TBL1XR1: variants seen among roughly 807,000 people sequenced by gnomAD.
TBL1XR1 encodes F-box-like/WD repeat-containing protein TBL1XR1.
A neutral mutation model predicts 66.9 loss-of-function variants in TBL1XR1; 5 were observed. The ratio of observed to expected loss-of-function variants is 0.07; its 90% CI spans 0.04 to 0.16. The LOEUF is 0.16. Among genes scored for constraint, TBL1XR1 ranks in the 10% least tolerant of loss-of-function variants. The pLI, the probability that TBL1XR1 is intolerant of heterozygous loss-of-function variation, is 1.00. For synonymous variants in TBL1XR1, 210 were observed against 206.0 expected, an observed-to-expected ratio of 1.02 and a Z score of -0.17; for missense variants, 238 against 623.2, an observed-to-expected ratio of 0.38 and a Z score of 6.58.
chr3:177,198,463 G>A (rs545510665), upstream of TBL1XR1, among the ~76,000 whole-genome samples: 11 of 152,338 alleles, frequency 7.2e-5, no homozygotes, highest in East Asian at 2.1e-3. Context: ...TTGCATGTGT[G>A]AAGCACAGCA....
At chr3:177,132,011 C>CACTTTCCCG in intron 1 of TBL1XR1, among the ~76,000 whole-genome samples, 1 of 152,062 alleles carries the variant, frequency 6.6e-6, no homozygotes, top group East Asian at 1.9e-4. Flanking sequence ...AATGGCATGG[C>CACTTTCCCG]ACTGATACCT....
intron 1 of TBL1XR1, among the ~76,000 whole-genome samples, chr3:177,173,317 C>CT (rs1223862978): frequency 2.6e-5 from 4 of 152,176 alleles, no homozygotes; most frequent in Non-Finnish European, 5.9e-5. Flanking sequence ...TGCATGAGGG[C>CT]TAGATTAGTA....
chr3:177,139,838 T>C (rs1313042144), intron 1 of TBL1XR1, among the ~76,000 whole-genome samples: 2 of 151,902 alleles, frequency 1.3e-5, no homozygotes, highest in African/African-American at 4.8e-5. Context: ...CAGAGTAACA[T>C]TAAAAACAAA....
chr3:177,021,085 T>G lies in TBL1XR1; in HGVS notation c.*4413A>C, dbSNP rs1184343254. ...TACAACAGTTTTAAAGTTAACTGGA[T>G]AACTAAAGAAATGATGCAGACATTT... On this transcript the variant is annotated 3_prime_UTR_variant, in exon 16 of 16. Coordinates refer to ENST00000457928, the MANE Select transcript of TBL1XR1 (RefSeq NM_024665.7). 6.6e-6 allele frequency: 1 copy of G among 152,136 alleles called. No individual in the cohort carries two copies. The highest frequency in any genetic ancestry group is 1.5e-5 in the Non-Finnish European group (1 of 67,990). The allele number at this position is 152,136 out of a possible 1,614,324, so 9.4% of individuals were successfully genotyped here.
intron 2 of TBL1XR1, among the ~76,000 whole-genome samples, chr3:177,091,662 A>T (rs373823602): frequency 1.3e-5 from 2 of 152,222 alleles, no homozygotes; most frequent in African/African-American, 4.8e-5. Flanking sequence ...TCAATAAAAC[A>T]TATCAAATGC....
chr3:177,189,696 A>ATAGCAAT (rs1553870048), intron 1 of TBL1XR1, among the ~76,000 whole-genome samples: 1 of 150,986 alleles, frequency 6.6e-6, no homozygotes, highest in East Asian at 2.0e-4. Flanking sequence ...AGTTGCCTTT[A>ATAGCAAT]TAGTCAATTA....
intron 1 of TBL1XR1, among the ~76,000 whole-genome samples, chr3:177,121,914 G>A (rs1727021048): frequency 6.6e-6 from 1 of 151,822 alleles, no homozygotes. Flanking sequence ...TGGAAACCTA[G>A]AATTACTAGA....
chr3:177,083,523 TA>T (rs997126655), intron 2 of TBL1XR1, among the ~76,000 whole-genome samples: 3 of 152,130 alleles, frequency 2.0e-5, no homozygotes, highest in African/African-American at 7.2e-5. Context: ...ATGAATGCCA[TA>T]AAAAAACAAC....
At chr3:177,138,313 C>A (rs563019232) in intron 1 of TBL1XR1, among the ~76,000 whole-genome samples, 2 of 152,232 alleles carry the variant, frequency 1.3e-5, no homozygotes, top group Admixed American at 6.5e-5. Flanking sequence ...GGTGGGCATT[C>A]GCTGGGTGCA....
At chr3:177,113,093 C>A (rs1725855237) in intron 1 of TBL1XR1, among the ~76,000 whole-genome samples, 1 of 151,922 alleles carries the variant, frequency 6.6e-6, no homozygotes, top group Non-Finnish European at 1.5e-5. Flanking sequence ...GACAAAGGTG[C>A]CAAGAACACA....
chr3:177,149,219 T>A (rs1459872772), intron 1 of TBL1XR1, among the ~76,000 whole-genome samples: 1 of 152,172 alleles, frequency 6.6e-6, no homozygotes, highest in Non-Finnish European at 1.5e-5. Flanking sequence ...AACAGTAGCA[T>A]CTGCAATCAA....
chr3:177,084,801 C>G (rs1214336066), intron 2 of TBL1XR1, among the ~76,000 whole-genome samples: 1 of 152,216 alleles, frequency 6.6e-6, no homozygotes, highest in East Asian at 1.9e-4. Context: ...ATGCCATTCT[C>G]TTAAGAATCC....
In TBL1XR1 at chr3:177,051,439, T is replaced by A. The variant is rs535788882; in HGVS notation, c.427+65A>T. On this transcript the variant is annotated intron_variant, in intron 5 of 15. Coordinates refer to ENST00000457928, the MANE Select transcript of TBL1XR1 (RefSeq NM_024665.7). ...AACAAACCTGCACATGTACCCCGAA[T>A]TAAAAGTTTAAAAAAATAAATAAAT... 4.5e-5 allele frequency: 65 copies of A among 1,443,232 alleles called. No individual in the cohort carries two copies. The African/African-American group carries it at 7.0e-4, about 16-fold the overall frequency. 89.4% of individuals were successfully genotyped at this position (1,443,232 alleles called of 1,614,324 possible).
Position 177,051,651 on chromosome 3 carries a change from T to C in TBL1XR1, c.280A>G (p.Thr94Ala), listed in dbSNP as rs1346859490. Residue 94 changes from threonine to alanine, a missense_variant, in exon 5 of 16, where the codon ACA becomes GCA. Thr to Ala is a moderately conservative substitution (Grantham distance 58). Around this residue, in one of 8 missense-constraint regions of TBL1XR1, gnomAD observed 80 missense variants for 100.5 expected, o/e 0.80. Transcript: ENST00000457928. ...IDAVMPDVVQ[T>A]RQQAYRDKLA... ...TTATCTCTATAAGCTTGTTGTCTTG[T>C]TTGTACTACATCAGGCATTACGGCA... 6.2e-7 allele frequency: 1 copy of C among 1,613,568 alleles called. No homozygotes were observed. The highest frequency in any genetic ancestry group is 1.7e-5 in the Admixed American group (1 of 59,992).
intron 1 of TBL1XR1, among the ~76,000 whole-genome samples, chr3:177,146,672 G>A (rs555573754): frequency 8.4e-4 from 124 of 147,466 alleles, no homozygotes; most frequent in African/African-American, 3.0e-3. Flanking sequence ...AAGCTATCAA[G>A]CTCACAGTAT....
At chr3:177,086,544 T>C (rs1340690922) in intron 2 of TBL1XR1, among the ~76,000 whole-genome samples, 2 of 152,110 alleles carry the variant, frequency 1.3e-5, no homozygotes, top group Non-Finnish European at 2.9e-5. Flanking sequence ...TTACATGACA[T>C]GGGGTTGGAG....
chr3:177,042,837 G>A (rs1420382801), intron 10 of TBL1XR1, among the ~76,000 whole-genome samples: 6 of 151,794 alleles, frequency 4.0e-5, no homozygotes, highest in African/African-American at 2.4e-5. Context: ...ATTAACCCAT[G>A]TAGCCTCCAT....
At chr3:177,055,991 C>A (rs891873133) in intron 3 of TBL1XR1, among the ~76,000 whole-genome samples, 1 of 152,166 alleles carries the variant, frequency 6.6e-6, no homozygotes, top group African/African-American at 2.4e-5. Context: ...CTCTACTACT[C>A]CTCTTGAACA....
chr3:177,097,290 A>G (rs547607626), intron 2 of TBL1XR1, among the ~76,000 whole-genome samples: 1 of 152,302 alleles, frequency 6.6e-6, no homozygotes, highest in South Asian at 2.1e-4. Context: ...AGATGTTATT[A>G]TTTGATTCTT....
Sources: allele counts gnomAD v4.1 joint callset (sites outside exome capture counted in the v4.1 genomes callset), GRCh38; gene constraint gnomAD v4.1.1; regional missense constraint gnomAD v4.1.1; transcripts MANE v1.5; gene names NCBI Gene and HGNC (gene_info 2026-07-23, HGNC 2026-07-21).